The following EDIL3 variants were observed in gnomAD, a reference collection of about 807,000 sequenced individuals.
The protein encoded by EDIL3 is EGF-like repeat and discoidin I-like domain-containing protein 3.
A neutral mutation model predicts 67.4 loss-of-function variants in EDIL3; 37 were observed. The observed-to-expected ratio is 0.55, with a 90% CI of 0.42 to 0.72. The LOEUF is 0.72. Among genes scored for constraint, EDIL3 ranks in the 30% least tolerant of loss-of-function variants. The pLI, the probability that EDIL3 is intolerant of heterozygous loss-of-function variation, is 0.00. For synonymous variants in EDIL3, 195 were observed against 196.3 expected (o/e 0.99, Z 0.05); for missense variants, 527 against 586.3 (o/e 0.90, Z 1.04).
intron 9 of EDIL3, among the ~76,000 whole-genome samples, chr5:84,055,708 A>C (rs1262457885): frequency 6.6e-5 from 10 of 152,226 alleles, no homozygotes; most frequent in Admixed American, 6.5e-4. Flanking sequence ...ACATGAAAAA[A>C]TGGCTCACCA....
chr5:84,270,164 A>G (rs571975957), intron 1 of EDIL3, among the ~76,000 whole-genome samples: 68 of 152,318 alleles, frequency 4.5e-4, no homozygotes, highest in African/African-American at 1.5e-3. Flanking sequence ...CTGATTTTTT[A>G]TAATAAGAAA....
At chr5:84,254,839 TAAC>T (rs1745096301) in intron 1 of EDIL3, among the ~76,000 whole-genome samples, 1 of 152,146 alleles carries the variant, frequency 6.6e-6, no homozygotes, top group Non-Finnish European at 1.5e-5. Context: ...ACTTATGACA[TAAC>T]AGAAACCCCA....
chr5:84,003,194 G>A (rs1745361162), intron 9 of EDIL3, among the ~76,000 whole-genome samples: 1 of 152,200 alleles, frequency 6.6e-6, no homozygotes, highest in Admixed American at 6.5e-5. Context: ...AACAGGCAGG[G>A]TCCTAGCTTA....
At chr5:84,230,098 A>C (rs1300131092) in intron 2 of EDIL3, among the ~76,000 whole-genome samples, 1 of 152,198 alleles carries the variant, frequency 6.6e-6, no homozygotes, top group East Asian at 1.9e-4. Context: ...ATTCACATTA[A>C]ATAAAAACAT....
At chr5:84,106,488 C>T (rs964451805) in intron 6 of EDIL3, among the ~76,000 whole-genome samples, 161 bp downstream of exon 6, 2 of 152,022 alleles carry the variant, frequency 1.3e-5, no homozygotes, top group Non-Finnish European at 1.5e-5. Context: ...ATGTTTTTTA[C>T]TTCTCAGAAT....
chr5:84,115,142 G>C (rs1048424969), intron 5 of EDIL3, among the ~76,000 whole-genome samples: 1 of 151,974 alleles, frequency 6.6e-6, no homozygotes, highest in Non-Finnish European at 1.5e-5. Context: ...CAACATACTG[G>C]GTGGGTGTTA....
intron 2 of EDIL3, among the ~76,000 whole-genome samples, chr5:84,252,440 G>T (rs1033802933): frequency 3.8e-5 from 5 of 131,638 alleles, no homozygotes; most frequent in African/African-American, 1.2e-4. Context: ...CTTGCAGCGA[G>T]CTGAGATCGT....
At chr5:84,327,563 CA>C (rs1746788734) in intron 1 of EDIL3, among the ~76,000 whole-genome samples, 1 of 152,062 alleles carries the variant, frequency 6.6e-6, no homozygotes, top group South Asian at 2.1e-4. Context: ...TATTTCTACA[CA>C]TGTAGTATTA....
At chr5:84,206,795 C>T (rs1371869357) in intron 3 of EDIL3, among the ~76,000 whole-genome samples, 1 of 152,024 alleles carries the variant, frequency 6.6e-6, no homozygotes, top group Non-Finnish European at 1.5e-5. Context: ...AAGACAAAAA[C>T]CACATGATTA....
intron 1 of EDIL3, among the ~76,000 whole-genome samples, chr5:84,337,465 A>G (rs1747012036): frequency 6.6e-6 from 1 of 152,168 alleles, no homozygotes; most frequent in South Asian, 2.1e-4. Flanking sequence ...AACTAATAAT[A>G]AAAATTGTAG....
chr5:84,102,535 T>C (rs1477068591), intron 6 of EDIL3, among the ~76,000 whole-genome samples: 1 of 151,678 alleles, frequency 6.6e-6, no homozygotes, highest in Non-Finnish European at 1.5e-5. Context: ...CAAAAATTAC[T>C]GGCATTCCTA....
intron 1 of EDIL3, among the ~76,000 whole-genome samples, chr5:84,304,547 G>A (rs1393964606): frequency 6.6e-6 from 1 of 152,138 alleles, no homozygotes; most frequent in African/African-American, 2.4e-5. Context: ...AGAGAAAAAA[G>A]TTCTAGTTCT....
chr5:84,043,668 TA>T (rs1473453411), intron 9 of EDIL3, among the ~76,000 whole-genome samples: 1 of 152,214 alleles, frequency 6.6e-6, no homozygotes, highest in Non-Finnish European at 1.5e-5. Flanking sequence ...TTAAGTCATG[TA>T]ATGTCAGCAA....
At chr5:84,053,000 T>C (rs1746371768) in intron 9 of EDIL3, among the ~76,000 whole-genome samples, 1 of 152,174 alleles carries the variant, frequency 6.6e-6, no homozygotes, top group South Asian at 2.1e-4. Flanking sequence ...ATCAACAGAA[T>C]ATACATTCTT....
intron 8 of EDIL3, 112 bp downstream of exon 8, chr5:84,064,588 C>G: frequency 7.3e-7 from 1 of 1,373,320 alleles, no homozygotes; most frequent in Non-Finnish European, 9.6e-7. Context: ...ACATTTTTCC[C>G]CAGAAAAAAA....
At chr5:84,197,679 CAA>C (rs960715578) in intron 3 of EDIL3, among the ~76,000 whole-genome samples, 1 of 147,188 alleles carries the variant, frequency 6.8e-6, no homozygotes, top group Non-Finnish European at 1.5e-5. Context: ...AGCAAACAAA[CAA>C]AAAAAAAGTT....
Position 84,207,945 on chromosome 5 carries a change from G to A in EDIL3, c.226+21910C>T, listed in dbSNP as rs1418348589. 5.9e-3 allele frequency among the ~76,000 whole-genome samples: 898 copies of A among 152,058 alleles called. 11 individuals are homozygous for A. Among genetic ancestry groups the A allele is most frequent in the African/African-American group, 0.02 (846 of 41,458 alleles). ...GTTAGACCTAAAACCATAAAAACCC[G>A]AGAAGAAAACCTAGGCATTACCATT... is the stretch of plus-strand genomic sequence containing the variant. On this transcript the variant is annotated intron_variant, in intron 3 of 10. Transcript: ENST00000296591.
rs1009202253 is a variant in EDIL3, at chr5:83,940,698, T to C, written c.*2721A>G. On this transcript the variant is annotated 3_prime_UTR_variant, in exon 11 of 11. Transcript: ENST00000296591. Reference sequence around the variant, plus strand: ...TATATATACAAAGAAAAAAACAACATTGGAATATTACACAGCTTGAAGGTT... The same window carrying C: ...TATATATACAAAGAAAAAAACAACACTGGAATATTACACAGCTTGAAGGTT... 5.9e-5 allele frequency: 9 copies of C among 151,990 alleles called. No individual in the cohort carries two copies. The highest frequency in any genetic ancestry group is 1.2e-4 in the Non-Finnish European group (8 of 67,900). 9.4% of individuals were successfully genotyped at this position (151,990 alleles called of 1,614,324 possible).
Position 84,195,317 on chromosome 5 carries a change from A to G in EDIL3, c.227-14796T>C, listed in dbSNP as rs963651302. On this transcript the variant is annotated intron_variant, in intron 3 of 10. Coordinates refer to ENST00000296591, the MANE Select transcript of EDIL3 (RefSeq NM_005711.5). ...AGTTACTATAAATATTAGAGAAGTT[A>G]TTATGCTACTTAAATACAGTAGGTC... Among the ~76,000 whole-genome samples the G allele has an allele frequency of 7.2e-5, 11 of 152,120 alleles. 1 individual carries two copies. Among genetic ancestry groups the G allele is most frequent in the African/African-American group, 2.6e-4 (11 of 41,560 alleles).
Sources: allele counts gnomAD v4.1 joint callset (sites outside exome capture counted in the v4.1 genomes callset), GRCh38; gene constraint gnomAD v4.1.1; transcripts MANE v1.5; gene names NCBI Gene and HGNC (gene_info 2026-07-23, HGNC 2026-07-21).